The following DAB1 variants were observed in gnomAD, a reference collection of about 807,000 sequenced individuals.
The protein encoded by DAB1 is disabled homolog 1.
In DAB1, 15 loss-of-function variants were observed where a neutral mutation model predicts 64.6. The ratio of observed to expected loss-of-function variants is 0.23; its 90% CI spans 0.16 to 0.36. The LOEUF (loss-of-function observed/expected upper bound fraction) is 0.36, where lower values mean the gene tolerates loss of function less well. Among genes scored for constraint, DAB1 ranks in the 10% least tolerant of loss-of-function variants. The pLI, the probability that DAB1 is intolerant of heterozygous loss-of-function variation, is 1.00. For missense variants in DAB1, 596 were observed against 706.7 expected, an observed-to-expected ratio of 0.84 and a Z score of 1.78; for synonymous variants, 235 against 251.9, an observed-to-expected ratio of 0.93 and a Z score of 0.64.
chr1:57,102,773 C>T (rs1347609962), intron 4 of DAB1, among the ~76,000 whole-genome samples: 2 of 152,164 alleles, frequency 1.3e-5, no homozygotes, highest in African/African-American at 4.8e-5. Context: ...TGTTTTTCAT[C>T]TCTTGAACAG....
chr1:58,352,454 G>A (rs1320713650), intron 3 of DAB1, among the ~76,000 whole-genome samples: 2 of 152,164 alleles, frequency 1.3e-5, no homozygotes, highest in African/African-American at 4.8e-5. Context: ...ATAGCCATCC[G>A]GCATGTATCT....
intron 14 of DAB1, among the ~76,000 whole-genome samples, chr1:56,998,724 A>G (rs1206380317): frequency 6.6e-6 from 1 of 152,194 alleles, no homozygotes; most frequent in Non-Finnish European, 1.5e-5. Context: ...TTGTCTCTTA[A>G]TCACAAACTT....
intron 4 of DAB1, among the ~76,000 whole-genome samples, chr1:58,181,200 A>G (rs1456387841): frequency 6.6e-6 from 1 of 152,050 alleles, no homozygotes; most frequent in African/African-American, 2.4e-5. Context: ...CTGATATCCT[A>G]TACATCTTGT....
chr1:57,455,689 C>T (rs1232644010), intron 7 of DAB1, among the ~76,000 whole-genome samples: 1 of 152,032 alleles, frequency 6.6e-6, no homozygotes, highest in African/African-American at 2.4e-5. Context: ...GGTGCCGTAG[C>T]CAGCTAAATT....
intron 5 of DAB1, among the ~76,000 whole-genome samples, chr1:58,005,369 G>C (rs1169183588): frequency 6.6e-6 from 1 of 152,130 alleles, no homozygotes. Context: ...CAGAGGGCTG[G>C]TGTCTAGGGG....
intron 5 of DAB1, among the ~76,000 whole-genome samples, chr1:57,994,234 C>T (rs182571126): frequency 2.4e-4 from 37 of 152,318 alleles, no homozygotes; most frequent in African/African-American, 8.4e-4. Context: ...CTGAAGCCTG[C>T]AGAATCCTGT....
At chr1:57,844,602 T>C (rs1197292656) in intron 1 of DAB1, among the ~76,000 whole-genome samples, 2 of 152,202 alleles carry the variant, frequency 1.3e-5, no homozygotes, top group Non-Finnish European at 2.9e-5. Flanking sequence ...TATTCCCATA[T>C]GAGCTGGTTA....
intron 7 of DAB1, among the ~76,000 whole-genome samples, chr1:57,610,886 G>T (rs932132938): frequency 1.3e-5 from 2 of 152,148 alleles, no homozygotes; most frequent in African/African-American, 4.8e-5. Context: ...TATCAGTCTT[G>T]CATGTGATCT....
intron 9 of DAB1, among the ~76,000 whole-genome samples, chr1:57,049,030 G>A (rs761714775): frequency 1.3e-5 from 2 of 152,192 alleles, no homozygotes; most frequent in African/African-American, 4.8e-5. Flanking sequence ...GTTTTTCAAC[G>A]TTGCAAGAAA....
chr1:57,309,022 G>A (rs759307559), intron 1 of DAB1, among the ~76,000 whole-genome samples: 2 of 152,138 alleles, frequency 1.3e-5, no homozygotes, highest in African/African-American at 2.4e-5. Context: ...ACACAAATTC[G>A]TAAACGTTCT....
intron 9 of DAB1, among the ~76,000 whole-genome samples, chr1:57,051,236 G>A (rs548011005): frequency 3.9e-5 from 6 of 152,160 alleles, no homozygotes; most frequent in East Asian, 1.9e-4. Context: ...CCTCACTTCA[G>A]TACAACCTCC....
At chr1:57,117,633 C>T (rs1192980482) in intron 4 of DAB1, among the ~76,000 whole-genome samples, 1 of 152,152 alleles carries the variant, frequency 6.6e-6, no homozygotes, top group Non-Finnish European at 1.5e-5. Flanking sequence ...TCATTATTTA[C>T]AAATGAAGAA....
chr1:57,599,349 G>T (rs1193112450), intron 7 of DAB1, among the ~76,000 whole-genome samples: 1 of 151,888 alleles, frequency 6.6e-6, no homozygotes, highest in Non-Finnish European at 1.5e-5. Flanking sequence ...GAGAAAAAAA[G>T]CACAAAGCAG....
intron 4 of DAB1, among the ~76,000 whole-genome samples, chr1:57,117,853 T>G (rs1168613046): frequency 6.8e-6 from 1 of 147,818 alleles, no homozygotes; most frequent in Non-Finnish European, 1.5e-5. Context: ...AAAAGGCTCA[T>G]GAAAGTAGTG....
At chr1:58,097,067 CCA>C (rs1200950468) in intron 5 of DAB1, among the ~76,000 whole-genome samples, 3 of 152,174 alleles carry the variant, frequency 2.0e-5, no homozygotes, top group East Asian at 3.8e-4. Context: ...CTTTTTCATT[CCA>C]CAGTTATTTG....
chr1:57,996,621 CAG>C (rs1053530595), intron 5 of DAB1, among the ~76,000 whole-genome samples: 2 of 152,140 alleles, frequency 1.3e-5, no homozygotes, highest in Admixed American at 1.3e-4. Flanking sequence ...CCGACTGTGA[CAG>C]AAATAATGCA....
chr1:58,027,324 C>T (rs1646908944), intron 5 of DAB1, among the ~76,000 whole-genome samples: 1 of 152,136 alleles, frequency 6.6e-6, no homozygotes, highest in Admixed American at 6.5e-5. Flanking sequence ...GCCTCAGCCT[C>T]CCAAAGTGCT....
At chr1:58,088,514 T>C (rs1205445768) in intron 5 of DAB1, among the ~76,000 whole-genome samples, 1 of 152,108 alleles carries the variant, frequency 6.6e-6, no homozygotes, top group African/African-American at 2.4e-5. Flanking sequence ...CAGGAAGAAA[T>C]GTTTAGCACA....
At chr1:57,685,822 T>C (rs1045267768) in intron 6 of DAB1, among the ~76,000 whole-genome samples, 4 of 152,106 alleles carry the variant, frequency 2.6e-5, no homozygotes. Context: ...TGGATGAACC[T>C]CAAAATTAAG....
Sources: allele counts gnomAD v4.1 joint callset (sites outside exome capture counted in the v4.1 genomes callset), GRCh38; gene constraint gnomAD v4.1.1; transcripts MANE v1.5; gene names NCBI Gene and HGNC (gene_info 2026-07-23, HGNC 2026-07-21).